WDFY3: variants seen among roughly 807,000 people sequenced by gnomAD.
WDFY3 encodes WD repeat and FYVE domain-containing protein 3.
In WDFY3, 66 loss-of-function variants were observed where a neutral mutation model predicts 409.6. The ratio of observed to expected loss-of-function variants is 0.16; its 90% CI spans 0.13 to 0.20. The LOEUF (loss-of-function observed/expected upper bound fraction) is 0.20. Among genes scored for constraint, WDFY3 ranks in the 10% least tolerant of loss-of-function variants. The probability of loss-of-function intolerance (pLI) is 1.00; values close to 1 mark genes in which losing one functional copy is unlikely to be tolerated. For missense variants in WDFY3, 3,031 were observed against 4,298.1 expected (o/e 0.71, Z 8.24); for synonymous variants, 1,521 against 1,537.1 (o/e 0.99, Z 0.25).
chr4:84,894,831 T>C (rs543263798), intron 3 of WDFY3, among the ~76,000 whole-genome samples: 1 of 151,688 alleles, frequency 6.6e-6, no homozygotes, highest in African/African-American at 2.4e-5. Flanking sequence ...ACACCTGTAA[T>C]TCCAGTTATT....
intron 36 of WDFY3, among the ~76,000 whole-genome samples, chr4:84,747,878 AATTTTT>A (rs1739768848): frequency 6.6e-6 from 1 of 151,722 alleles, no homozygotes; most frequent in Admixed American, 6.6e-5. Context: ...TTCCTTTATA[AATTTTT>A]ATTTTTATAA....
intron 3 of WDFY3, among the ~76,000 whole-genome samples, chr4:84,871,719 C>T (rs1415417781): frequency 6.6e-6 from 1 of 152,066 alleles, no homozygotes; most frequent in African/African-American, 2.4e-5. Flanking sequence ...ACTGCAGCCT[C>T]AAACTCCCGT....
intron 27 of WDFY3, 85 bp downstream of exon 27, chr4:84,778,418 T>G: frequency 7.9e-7 from 1 of 1,267,654 alleles, no homozygotes. Context: ...TTTAAACACA[T>G]TTTAGAGATA....
intron 14 of WDFY3, 144 bp from the exon 15 acceptor site, chr4:84,808,561 C>CTACA: frequency 1.6e-6 from 1 of 639,068 alleles, no homozygotes. Context: ...AGGAACAAGA[C>CTACA]TACAACACAA....
chr4:84,780,474 G>A (rs1312934786), intron 25 of WDFY3, among the ~76,000 whole-genome samples, 176 bp from the exon 26 acceptor site: 1 of 152,130 alleles, frequency 6.6e-6, no homozygotes, highest in Non-Finnish European at 1.5e-5. Flanking sequence ...GGCAATACAG[G>A]CTGGCTGGGC....
Position 84,670,549 on chromosome 4 carries a change from T to C in WDFY3, c.*2319A>G, listed in dbSNP as rs1725304768. The C allele has an allele frequency of 1.3e-5, 2 of 152,664 alleles. No homozygotes were observed. Among genetic ancestry groups the C allele is most frequent in the South Asian group, 4.1e-4 (2 of 4,834 alleles). The allele number at this position is 152,664 out of a possible 1,614,324, so 9.5% of individuals were successfully genotyped here. A position where few individuals can be genotyped will look rare whatever the true frequency, so the allele number is the denominator to read the frequency against. The stretch of plus-strand genomic sequence containing the variant: ...CACCTTCTAGTTATGGAAGTTCTGT[T>C]AGAAAGTTAGTAATGGAAGTTGTGT... On this transcript the variant is annotated 3_prime_UTR_variant, in exon 68 of 68. Transcript: ENST00000295888.
chr4:84,782,212 T>C (rs929314221), intron 25 of WDFY3, among the ~76,000 whole-genome samples: 2 of 152,312 alleles, frequency 1.3e-5, no homozygotes, highest in Non-Finnish European at 1.5e-5. Flanking sequence ...CATTTCTAAA[T>C]TAACAAAAAC....
chr4:84,730,722 G>A (rs991122621), intron 44 of WDFY3, among the ~76,000 whole-genome samples: 5 of 151,808 alleles, frequency 3.3e-5, no homozygotes, highest in African/African-American at 1.2e-4. Context: ...GGCCATATTG[G>A]AAGAAAAATT....
At chr4:84,939,361 A>G (rs565241914) in intron 1 of WDFY3, among the ~76,000 whole-genome samples, 56 of 152,270 alleles carry the variant, frequency 3.7e-4, no homozygotes, top group African/African-American at 1.2e-3. Flanking sequence ...GGATCGCACC[A>G]ATGCATAATC....
At chr4:84,911,520 C>G (rs925786061) in intron 2 of WDFY3, among the ~76,000 whole-genome samples, 3 of 152,098 alleles carry the variant, frequency 2.0e-5, no homozygotes, top group African/African-American at 7.2e-5. Flanking sequence ...GAGCAAATTA[C>G]ATGAACACAC....
chr4:84,956,980 T>TAA (rs571594170), intron 1 of WDFY3, among the ~76,000 whole-genome samples: 14 of 134,580 alleles, frequency 1.0e-4, no homozygotes, highest in African/African-American at 1.4e-4. Flanking sequence ...ATGGTTTTCT[T>TAA]AAAAAAAAAA....
intron 58 of WDFY3, 135 bp from the exon 59 acceptor site, chr4:84,693,167 C>T: frequency 1.1e-6 from 1 of 946,168 alleles, no homozygotes; most frequent in Non-Finnish European, 1.5e-6. Flanking sequence ...TCATTTTACA[C>T]CCGAGGAAAG....
intron 38 of WDFY3, 106 bp downstream of exon 38, chr4:84,741,655 T>C (rs1578322365): frequency 1.6e-6 from 2 of 1,267,864 alleles, no homozygotes; most frequent in Middle Eastern, 3.0e-4. Context: ...TTTTCTTAAA[T>C]GTTAACATTC....
At chr4:84,756,266 T>C (rs1209232534) in intron 33 of WDFY3, among the ~76,000 whole-genome samples, 1 of 152,164 alleles carries the variant, frequency 6.6e-6, no homozygotes, top group Non-Finnish European at 1.5e-5. Flanking sequence ...AAGCCACTCC[T>C]TTCATTTTTA....
At chr4:84,866,074 A>G (rs1450500115) in intron 3 of WDFY3, among the ~76,000 whole-genome samples, 2 of 152,198 alleles carry the variant, frequency 1.3e-5, no homozygotes, top group Admixed American at 6.5e-5. Flanking sequence ...CTGTCTCAAA[A>G]ACAAGTGCCA....
chr4:84,765,483 A>G (rs1317967432), intron 32 of WDFY3, among the ~76,000 whole-genome samples: 1 of 152,162 alleles, frequency 6.6e-6, no homozygotes, highest in East Asian at 1.9e-4. Flanking sequence ...TAAGTACTCA[A>G]AATAAATATT....
intron 64 of WDFY3, among the ~76,000 whole-genome samples, chr4:84,681,925 G>C (rs1355407389): frequency 2.6e-5 from 4 of 152,216 alleles, no homozygotes; most frequent in Admixed American, 6.5e-5. Flanking sequence ...AAGCAAGTCT[G>C]ACTGTGGACT....
intron 6 of WDFY3, among the ~76,000 whole-genome samples, chr4:84,840,069 T>C (rs1757120883): frequency 6.6e-6 from 1 of 152,184 alleles, no homozygotes; most frequent in Non-Finnish European, 1.5e-5. Context: ...CATTATTACA[T>C]GATGAGAGTG....
At chr4:84,923,892 G>A (rs577216995) in intron 2 of WDFY3, among the ~76,000 whole-genome samples, 11 of 152,180 alleles carry the variant, frequency 7.2e-5, no homozygotes, top group African/African-American at 1.9e-4. Context: ...CCAGCTATTC[G>A]GGGAGGCTGA....
Sources: allele counts gnomAD v4.1 joint callset (sites outside exome capture counted in the v4.1 genomes callset), GRCh38; gene constraint gnomAD v4.1.1; transcripts MANE v1.5; gene names NCBI Gene and HGNC (gene_info 2026-07-23, HGNC 2026-07-21).